BEAN1: variants seen among roughly 807,000 people sequenced by gnomAD.
BEAN1 encodes brain expressed associated with NEDD4 1.
BEAN1 carries 17 observed loss-of-function variants against 17.7 expected under a neutral mutation model. That is an observed-to-expected ratio of 0.96 (90% CI 0.66 to 1.44). BEAN1 has a LOEUF of 1.44. BEAN1 is among the 40% of genes most tolerant of loss of function. BEAN1 has a pLI of 0.00. For missense variants in BEAN1, 359 were observed against 374.1 expected (o/e 0.96, Z 0.33); for synonymous variants, 142 against 151.8 (o/e 0.94, Z 0.47).
At chr16:66,468,422 GT>G (rs1963339328) in intron 2 of BEAN1, among the ~76,000 whole-genome samples, 1 of 152,222 alleles carries the variant, frequency 6.6e-6, no homozygotes, top group South Asian at 2.1e-4. Context: ...GTGCTTGCCC[GT>G]GACCCTGTGG....
downstream of BEAN1, among the ~76,000 whole-genome samples, chr16:66,494,569 C>T (rs1319575826): frequency 3.3e-5 from 5 of 152,164 alleles, no homozygotes; most frequent in Admixed American, 2.6e-4. Flanking sequence ...CTCTGAGTAG[C>T]CGCTTCCCTC....
At chr16:66,441,315 A>G (rs1025183215) in intron 2 of BEAN1, among the ~76,000 whole-genome samples, 7 of 151,838 alleles carry the variant, frequency 4.6e-5, no homozygotes, top group Non-Finnish European at 8.8e-5. Flanking sequence ...AGCGCTCCAG[A>G]CCCCCCAAAA....
chr16:66,488,604 C>T lies in BEAN1; in HGVS notation c.148-4358C>T, dbSNP rs546470711. Among the ~76,000 whole-genome samples, 117 of 150,362 alleles carry T rather than the reference C, an allele frequency of 7.8e-4. 1 individual carries two copies. Among genetic ancestry groups the T allele is most frequent in the Non-Finnish European group, 1.3e-3 (88 of 67,822 alleles). ...GTCCCAGCTACAGGGGAGGGTGGGACAGGAGGATTGTTTGAGCCCAGGAGG... is the reference window on the plus strand; with the variant it reads ...GTCCCAGCTACAGGGGAGGGTGGGATAGGAGGATTGTTTGAGCCCAGGAGG... On this transcript the variant is annotated intron_variant, in intron 4 of 4. Coordinates refer to the BEAN1 transcript ENST00000561796.
At chr16:66,488,991 G>A (rs1328237286) in intron 4 of BEAN1, among the ~76,000 whole-genome samples, 1 of 152,018 alleles carries the variant, frequency 6.6e-6, no homozygotes, top group East Asian at 1.9e-4. Context: ...GGGCAACATG[G>A]TGAAACCCTG....
intron 3 of BEAN1, among the ~76,000 whole-genome samples, chr16:66,472,683 G>A (rs1271671319): frequency 1.3e-5 from 2 of 152,074 alleles, no homozygotes; most frequent in Non-Finnish European, 2.9e-5. Flanking sequence ...CAGCCTGGGT[G>A]GCAGAACGAG....
chr16:66,469,645 A>G lies in BEAN1; in HGVS notation c.69A>G (p.Ser23=). The G allele has an allele frequency of 6.5e-7, 1 of 1,536,000 alleles. No individual in the cohort carries two copies. Residue 23 remains serine, a synonymous_variant, in exon 3 of 5, where the codon TCA becomes TCG. Coordinates refer to ENST00000536005, the MANE Select transcript of BEAN1 (RefSeq NM_001178020.3). ...NRTSYFYPTF[S]ESSEHSHLLV... Reference sequence around the variant, plus strand: ...CCAGCTACTTCTACCCCACATTCTCAGAGAGCTCGGAGCACAGCCATCTGC... The same window carrying G: ...CCAGCTACTTCTACCCCACATTCTCGGAGAGCTCGGAGCACAGCCATCTGC...
At chr16:66,474,388 A>G (rs1963608405) in intron 3 of BEAN1, among the ~76,000 whole-genome samples, 1 of 151,140 alleles carries the variant, frequency 6.6e-6, no homozygotes, top group Non-Finnish European at 1.5e-5. Context: ...AAGGCAACCA[A>G]AGTGACAGGA....
Position 66,440,129 on chromosome 16 carries a change from T to C in BEAN1, c.25+2428T>C, listed in dbSNP as rs999763390. Among the ~76,000 whole-genome samples, 406 of 141,976 alleles carry C rather than the reference T, an allele frequency of 2.9e-3. 1 individual carries two copies. Among genetic ancestry groups the C allele is most frequent in the African/African-American group, 8.7e-3 (330 of 38,112 alleles). 93.1% of individuals were successfully genotyped at this position (141,976 alleles called of 152,430 possible). ...CTCACCCTGTTGGGTACTTCTTTTT[T>C]TTTTTTTTTTTTTTTTTTGAGATGG... On this transcript the variant is annotated intron_variant, in intron 2 of 4. Coordinates refer to ENST00000536005, the MANE Select transcript of BEAN1 (RefSeq NM_001178020.3).
chr16:66,488,998 C>A (rs947717982), intron 4 of BEAN1, among the ~76,000 whole-genome samples: 1 of 151,982 alleles, frequency 6.6e-6, no homozygotes, highest in Non-Finnish European at 1.5e-5. Flanking sequence ...ATGGTGAAAC[C>A]CTGTCTCTAC....
chr16:66,481,491 T>G lies in BEAN1; in HGVS notation c.*566T>G. 2.7e-6 allele frequency: 1 copy of G among 369,828 alleles called. No homozygotes were observed. The highest frequency in any genetic ancestry group is 4.6e-5 in the Admixed American group (1 of 21,686). The allele number at this position is 369,828 out of a possible 1,614,324, so 22.9% of individuals were successfully genotyped here. A position where few individuals can be genotyped will look rare whatever the true frequency, so the allele number is the denominator to read the frequency against. On this transcript the variant is annotated 3_prime_UTR_variant, in exon 5 of 5. Coordinates refer to ENST00000536005, the MANE Select transcript of BEAN1 (RefSeq NM_001178020.3). This position sits in a 1 kb window ranked among gnomAD's most constrained non-coding sequence, Gnocchi z 4.1. ...GCCTATCTCTCGATTCCAGGGCAGA[T>G]GAGCCACAACATCACCACCCTGCCA...
chr16:66,441,366 G>A (rs1962249359), intron 2 of BEAN1, among the ~76,000 whole-genome samples: 1 of 152,154 alleles, frequency 6.6e-6, no homozygotes, highest in Non-Finnish European at 1.5e-5. Context: ...GGAAATCCCA[G>A]GAGGGCACTC....
At chr16:66,485,488 C>CCTG, downstream of BEAN1, 1 of 271,642 alleles carries the variant, frequency 3.7e-6, no homozygotes, top group South Asian at 3.8e-5. Flanking sequence ...CTGTCCTGGT[C>CCTG]TCTGCTTTGC....
chr16:66,477,331 G>A (rs1299737871), intron 3 of BEAN1, among the ~76,000 whole-genome samples: 2 of 152,174 alleles, frequency 1.3e-5, no homozygotes, highest in East Asian at 1.9e-4. Context: ...TTGGGAGCTG[G>A]CCAGGACAGG....
intron 4 of BEAN1, among the ~76,000 whole-genome samples, chr16:66,491,064 C>G (rs1964170268): frequency 6.6e-6 from 1 of 152,186 alleles, no homozygotes; most frequent in South Asian, 2.1e-4. Flanking sequence ...AATCCCCAGG[C>G]CCAGGCGAAG....
At chr16:66,488,696 C>CA (rs1440592880) in intron 4 of BEAN1, among the ~76,000 whole-genome samples, 5 of 150,976 alleles carry the variant, frequency 3.3e-5, no homozygotes, top group South Asian at 4.2e-4. Flanking sequence ...GATCATATCT[C>CA]AAAAAACAAA....
In BEAN1 at chr16:66,491,950, C is replaced by T. The variant is rs534245515; in HGVS notation, c.148-1012C>T. On this transcript the variant is annotated intron_variant, in intron 4 of 4. Coordinates refer to the BEAN1 transcript ENST00000561796. Reference sequence around the variant, plus strand: ...CTGCACTGGACTGTTACTGCCTCTCCGAGGAAAGATGAACCAAGGTGCTCA... The same window carrying T: ...CTGCACTGGACTGTTACTGCCTCTCTGAGGAAAGATGAACCAAGGTGCTCA... Among the ~76,000 whole-genome samples the T allele has an allele frequency of 3.9e-5, 6 of 152,246 alleles. No individual in the cohort carries two copies. In the South Asian group the frequency reaches 1.0e-3, roughly 26 times the overall value.
intron 4 of BEAN1, among the ~76,000 whole-genome samples, chr16:66,492,037 G>A (rs1030933215): frequency 6.6e-6 from 1 of 151,934 alleles, no homozygotes; most frequent in Non-Finnish European, 1.5e-5. Flanking sequence ...TTTTTTTGTT[G>A]TTTTTCATTT....
rs1460254345 is a variant in BEAN1, at chr16:66,434,018, G to A, written c.-82-3577G>A. Among the ~76,000 whole-genome samples, 2 of 152,224 alleles carry A rather than the reference G, an allele frequency of 1.3e-5. No homozygotes were observed. Among genetic ancestry groups the A allele is most frequent in the South Asian group, 2.1e-4 (1 of 4,832 alleles). ...GGACATGAAGGGGAGTGGGAATGAC[G>A]TGGACTTGCCACACACCATTCAGCC... On this transcript the variant is annotated intron_variant, in intron 1 of 4. Coordinates refer to ENST00000536005, the MANE Select transcript of BEAN1 (RefSeq NM_001178020.3). The surrounding 1 kb of genome is among the most constrained non-coding windows in gnomAD (Gnocchi z 4.3).
At chr16:66,483,889 C>T (rs1199590744), downstream of BEAN1, 1 of 153,608 alleles carries the variant, frequency 6.5e-6, no homozygotes, top group Non-Finnish European at 1.4e-5. Flanking sequence ...CACCCCCACC[C>T]TGAGCCCACA....
Sources: allele counts gnomAD v4.1 joint callset (sites outside exome capture counted in the v4.1 genomes callset), GRCh38; gene constraint gnomAD v4.1.1; non-coding constraint Gnocchi (gnomAD v3.1); transcripts MANE v1.5; gene names NCBI Gene and HGNC (gene_info 2026-07-23, HGNC 2026-07-21).